Variants in AAMDC observed in about 807,000 individuals in gnomAD.
AAMDC encodes the protein mth938 domain-containing protein.
AAMDC carries 16 observed loss-of-function variants against 15.5 expected under a neutral mutation model. That is an observed-to-expected ratio of 1.03 (90% CI 0.70 to 1.57). The LOEUF is 1.57. Ranked by LOEUF, AAMDC falls within the 40% of genes most tolerant of loss-of-function variation. The pLI, the probability that AAMDC is intolerant of heterozygous loss-of-function variation, is 0.00. For missense variants in AAMDC, 141 were observed against 144.9 expected, an observed-to-expected ratio of 0.97 and a Z score of 0.14; for synonymous variants, 51 against 51.6, an observed-to-expected ratio of 0.99 and a Z score of 0.05.
At chr11:77,881,908 A>C (rs1472088360) in intron 5 of AAMDC, among the ~76,000 whole-genome samples, 2 of 150,748 alleles carry the variant, frequency 1.3e-5, no homozygotes, top group African/African-American at 2.5e-5. Flanking sequence ...CTTGTTTCTG[A>C]TGGTTTTTTT....
intron 3 of AAMDC, chr11:77,870,041 C>T (rs1951339650): frequency 5.5e-6 from 2 of 362,724 alleles, no homozygotes; most frequent in Non-Finnish European, 1.0e-5. Context: ...CTCAGAATCC[C>T]TCAAGTTCTA....
intron 5 of AAMDC, among the ~76,000 whole-genome samples, chr11:77,881,060 A>G (rs1426493349): frequency 6.6e-6 from 1 of 152,240 alleles, no homozygotes; most frequent in Non-Finnish European, 1.5e-5. Flanking sequence ...TGGCAATTCA[A>G]GGCAATGCCA....
chr11:77,872,284 G>T lies in AAMDC; in HGVS notation c.338G>T (p.Arg113Met). 3 of 1,613,410 alleles carry T rather than the reference G, an allele frequency of 1.9e-6. No homozygotes were observed. ...EYNALVAQGV[R>M]VGGVFHSTC ...AATGCCTTGGTTGCCCAAGGGGTCA[G>T]GGTGGGAGGTGTCTTCCATTCCACC... Residue 113 changes from arginine to methionine, a missense_variant, in exon 4 of 4, where the codon AGG (arginine) becomes ATG (methionine). Physicochemically the swap from Arg to Met is moderately conservative, Grantham distance 91. Coordinates refer to ENST00000393427, the MANE Select transcript of AAMDC (RefSeq NM_024684.4).
intron 2 of AAMDC, among the ~76,000 whole-genome samples, chr11:77,865,571 T>TTA (rs1951074255): frequency 2.6e-5 from 4 of 152,212 alleles, no homozygotes; most frequent in Non-Finnish European, 5.9e-5. Flanking sequence ...CACATTTAAC[T>TTA]GCAAGAAGTA....
At chr11:77,891,860 C>T (rs373469431) in intron 5 of AAMDC, 45 of 1,610,192 alleles carry the variant, frequency 2.8e-5, no homozygotes, top group Non-Finnish European at 3.6e-5. Flanking sequence ...CAAACAGAAG[C>T]AACTGACTCA....
At chr11:77,839,837 G>A (rs1476295696) in intron 1 of AAMDC, among the ~76,000 whole-genome samples, 2 of 152,098 alleles carry the variant, frequency 1.3e-5, no homozygotes, top group Non-Finnish European at 2.9e-5. Context: ...CAGGGGGAGG[G>A]AGAGCATCAG....
chr11:77,869,021 G>T, intron 2 of AAMDC: 1 of 340,550 alleles, frequency 2.9e-6, no homozygotes, highest in Non-Finnish European at 5.5e-6. Flanking sequence ...GTTTTGCCAT[G>T]GTAACATTTG....
At chr11:77,883,997 AT>A in intron 5 of AAMDC, 1 of 1,586,978 alleles carries the variant, frequency 6.3e-7, no homozygotes, top group Admixed American at 1.7e-5. Context: ...CGAGAGGAGC[AT>A]TTAACAAAAT....
intron 1 of AAMDC, among the ~76,000 whole-genome samples, chr11:77,837,886 C>A (rs2136111801): frequency 6.6e-6 from 1 of 151,910 alleles, no homozygotes; most frequent in South Asian, 2.1e-4. Context: ...GAGACCCTGG[C>A]TCTAAAAATA....
chr11:77,894,678 G>T lies in AAMDC; in HGVS notation c.329-5893G>T, dbSNP rs138853050. Among the ~76,000 whole-genome samples the T allele has an allele frequency of 4.3e-3, 649 of 152,308 alleles. 2 individuals carry two copies. The highest frequency in any genetic ancestry group is 6.4e-3 in the Non-Finnish European group (434 of 68,024). ...TACAGTGTCAAGTTCCCCTTCTGCA[G>T]GAGTCCTTGCTTCATTAGCATCTCA... is the stretch of plus-strand genomic sequence containing the variant. On this transcript the variant is annotated intron_variant, in intron 5 of 5. Coordinates refer to the AAMDC transcript ENST00000304716.
chr11:77,843,542 AG>A (rs1346697293), intron 2 of AAMDC, among the ~76,000 whole-genome samples: 3 of 152,188 alleles, frequency 2.0e-5, no homozygotes, highest in African/African-American at 7.2e-5. Context: ...GGGATGGGGC[AG>A]GAAGGCATTT....
intron 5 of AAMDC, among the ~76,000 whole-genome samples, chr11:77,897,221 T>C (rs1398825622): frequency 1.3e-5 from 2 of 151,680 alleles, no homozygotes; most frequent in Admixed American, 1.3e-4. Flanking sequence ...AGATTATAAG[T>C]GGTGGCTCAC....
intron 2 of AAMDC, among the ~76,000 whole-genome samples, chr11:77,855,936 G>C (rs1461065082): frequency 6.6e-6 from 1 of 151,936 alleles, no homozygotes; most frequent in Non-Finnish European, 1.5e-5. Flanking sequence ...TGGGCAACAT[G>C]GCAAAACCCT....
chr11:77,828,434 G>A (rs192416190), intron 1 of AAMDC, among the ~76,000 whole-genome samples: 2 of 152,216 alleles, frequency 1.3e-5, no homozygotes, highest in Non-Finnish European at 2.9e-5. Flanking sequence ...TTGGGAGGCC[G>A]AGGCAGATGG....
intron 5 of AAMDC, among the ~76,000 whole-genome samples, chr11:77,883,007 C>G (rs983842235): frequency 6.6e-6 from 1 of 152,020 alleles, no homozygotes; most frequent in Admixed American, 6.6e-5. Flanking sequence ...AGGAGGCAGA[C>G]AGAGGTTGCA....
At chr11:77,872,128 T>TG (rs751418968) in intron 3 of AAMDC, 47 bp from the exon 4 acceptor site, 3 of 1,587,396 alleles carry the variant, frequency 1.9e-6, no homozygotes, top group East Asian at 2.2e-5. Context: ...AAGGAACCCC[T>TG]GGGGGGCCTT....
chr11:77,879,985 C>T (rs181166294), intron 5 of AAMDC, among the ~76,000 whole-genome samples: 4 of 152,264 alleles, frequency 2.6e-5, no homozygotes, highest in Admixed American at 2.6e-4. Context: ...CAGATGCACA[C>T]CTGGGTAAGA....
At chr11:77,887,512 A>G (rs1269840672) in intron 5 of AAMDC, among the ~76,000 whole-genome samples, 1 of 152,156 alleles carries the variant, frequency 6.6e-6, no homozygotes, top group Non-Finnish European at 1.5e-5. Flanking sequence ...AAACTGGCAC[A>G]AGACAGGGAT....
intron 1 of AAMDC, among the ~76,000 whole-genome samples, chr11:77,835,920 A>C (rs536475215): frequency 1.2e-3 from 180 of 152,268 alleles, no homozygotes; most frequent in Non-Finnish European, 2.1e-3. Context: ...AAAAGAAAAA[A>C]AAAATAATAA....
Sources: gnomAD v4.1 joint callset for allele counts (sites outside exome capture counted in the v4.1 genomes callset) on GRCh38, gnomAD v4.1.1 for gene constraint, MANE v1.5 for transcripts, NCBI Gene and HGNC (gene_info 2026-07-23, HGNC 2026-07-21) for gene names.